DIAPH3: variants seen among roughly 807,000 people sequenced by gnomAD.
DIAPH3 encodes protein diaphanous homolog 3.
DIAPH3 carries 117 observed loss-of-function variants against 144.3 expected under a neutral mutation model. The ratio of observed to expected loss-of-function variants is 0.81; its 90% CI spans 0.70 to 0.95. DIAPH3 has a LOEUF of 0.95. Ranked by LOEUF, DIAPH3 falls within the 40% of genes least tolerant of loss-of-function variation. DIAPH3 has a pLI of 0.00. For synonymous variants in DIAPH3, 519 were observed against 488.9 expected (o/e 1.06, Z -0.81); for missense variants, 1,421 against 1,412.7 (o/e 1.01, Z -0.09).
At position 59,665,898 on chromosome 13, in the gene DIAPH3, C is replaced by T. The variant is rs369745271; in HGVS notation, c.*686G>A. 4 of 152,374 alleles carry T rather than the reference C, an allele frequency of 2.6e-5. No homozygotes were observed. Among genetic ancestry groups the T allele is most frequent in the Non-Finnish European group, 5.9e-5 (4 of 68,034 alleles). The allele number at this position is 152,374 out of a possible 1,614,324, so 9.4% of individuals were successfully genotyped here. A position where few individuals can be genotyped will look rare whatever the true frequency, so the allele number is the denominator to read the frequency against. ...AGCACTGCAATTCTGTTTACATCCA[C>T]GTTACACAAAAGCACATGCATTTGG... On this transcript the variant is annotated 3_prime_UTR_variant, in exon 28 of 28. Coordinates refer to ENST00000400324, the MANE Select transcript of DIAPH3 (RefSeq NM_001042517.2).
Position 59,810,722 on chromosome 13 carries a change from C to T in DIAPH3, c.3163+66G>A, listed in dbSNP as rs529363351. 1.4e-4 allele frequency: 219 copies of T among 1,540,626 alleles called. 1 individual carries two copies. In the East Asian group the frequency reaches 4.8e-3, roughly 34 times the overall value. ...CTTTTTCACTAAGTTCATTAATATACTAATAAAGCAGCCCATATAAATCTT... is the reference window on the plus strand; with the variant it reads ...CTTTTTCACTAAGTTCATTAATATATTAATAAAGCAGCCCATATAAATCTT... On this transcript the variant is annotated intron_variant, in intron 25 of 27. Coordinates refer to ENST00000400324, the MANE Select transcript of DIAPH3 (RefSeq NM_001042517.2).
intron 4 of DIAPH3, among the ~76,000 whole-genome samples, chr13:60,080,843 G>T (rs2057533733): frequency 6.6e-6 from 1 of 151,534 alleles, no homozygotes; most frequent in South Asian, 2.1e-4. Flanking sequence ...CTGCACAAGG[G>T]GTCACACATC....
At chr13:59,997,158 T>C (rs2052249883) in intron 9 of DIAPH3, among the ~76,000 whole-genome samples, 1 of 152,048 alleles carries the variant, frequency 6.6e-6, no homozygotes, top group Admixed American at 6.6e-5. Flanking sequence ...TTATCCCTTC[T>C]ACCATATGTT....
intron 5 of DIAPH3, among the ~76,000 whole-genome samples, chr13:60,028,935 T>C (rs537344226): frequency 5.9e-5 from 9 of 151,994 alleles, no homozygotes; most frequent in Non-Finnish European, 1.0e-4. Flanking sequence ...GGCATGCGCC[T>C]GTAGTCCCAG....
At chr13:59,861,167 T>G (rs1374757801) in intron 22 of DIAPH3, 4 of 1,352,924 alleles carry the variant, frequency 3.0e-6, no homozygotes, top group South Asian at 1.6e-5. Context: ...CTACAAGGTT[T>G]AAACTGTAAA....
In DIAPH3 at chr13:60,001,679, C is replaced by A. The variant is rs186452019; in HGVS notation, c.1014+6865G>T. ...ATCTTATGTGAAAGACAGGCATTAA[C>A]TTGCCTCTCTCTTCAAAAACACCAT... is the stretch of plus-strand genomic sequence containing the variant. On this transcript the variant is annotated intron_variant, in intron 9 of 27. Transcript: ENST00000400324. 9.1e-4 allele frequency among the ~76,000 whole-genome samples: 138 copies of A among 152,318 alleles called. 1 individual carries two copies. The highest frequency in any genetic ancestry group is 8.6e-3 in the Admixed American group (132 of 15,298).
chr13:60,147,563 C>G (rs964570628), intron 1 of DIAPH3, among the ~76,000 whole-genome samples: 23 of 152,138 alleles, frequency 1.5e-4, no homozygotes, highest in South Asian at 1.0e-3. Context: ...ACCTCAGGGT[C>G]CAGATTTGCT....
chr13:60,122,107 A>T (rs992988758), intron 2 of DIAPH3, among the ~76,000 whole-genome samples: 1 of 152,208 alleles, frequency 6.6e-6, no homozygotes, highest in Non-Finnish European at 1.5e-5. Context: ...TCAAAGGATG[A>T]CATTCTTGGC....
At chr13:59,673,124 C>T (rs970896228) in intron 27 of DIAPH3, among the ~76,000 whole-genome samples, 2 of 152,194 alleles carry the variant, frequency 1.3e-5, no homozygotes, top group Non-Finnish European at 2.9e-5. Context: ...GTGCACACAA[C>T]AACCAGGATA....
At chr13:59,845,669 C>T (rs557621811) in intron 22 of DIAPH3, among the ~76,000 whole-genome samples, 1 of 152,188 alleles carries the variant, frequency 6.6e-6, no homozygotes, top group African/African-American at 2.4e-5. Flanking sequence ...GTCTATCTGC[C>T]TTGTGCACTT....
At chr13:59,727,692 A>G (rs1421334813) in intron 27 of DIAPH3, among the ~76,000 whole-genome samples, 2 of 152,172 alleles carry the variant, frequency 1.3e-5, no homozygotes, top group Admixed American at 1.3e-4. Flanking sequence ...TCTTATTTCT[A>G]TGGTTAGGAA....
intron 25 of DIAPH3, among the ~76,000 whole-genome samples, chr13:59,793,046 G>A (rs2039406341): frequency 6.6e-6 from 1 of 152,004 alleles, no homozygotes; most frequent in Non-Finnish European, 1.5e-5. Context: ...ACCAACCATG[G>A]CCCTTCCTCT....
chr13:59,706,098 C>T (rs999006659), intron 27 of DIAPH3, among the ~76,000 whole-genome samples: 1 of 152,016 alleles, frequency 6.6e-6, no homozygotes, highest in Non-Finnish European at 1.5e-5. Context: ...ATAACTTATT[C>T]ACATCCTCCT....
chr13:59,953,906 TAA>T (rs946999555), intron 17 of DIAPH3, among the ~76,000 whole-genome samples: 1 of 152,324 alleles, frequency 6.6e-6, no homozygotes, highest in South Asian at 2.1e-4. Flanking sequence ...GCTATTTTTT[TAA>T]AGAGGTATTT....
At chr13:59,689,254 A>T (rs2033381177) in intron 27 of DIAPH3, among the ~76,000 whole-genome samples, 1 of 152,098 alleles carries the variant, frequency 6.6e-6, no homozygotes, top group Admixed American at 6.6e-5. Flanking sequence ...TCAGTCAGAG[A>T]GAAGAATTTG....
intron 20 of DIAPH3, among the ~76,000 whole-genome samples, chr13:59,880,027 C>T (rs2140058333): frequency 6.6e-6 from 1 of 152,246 alleles, no homozygotes; most frequent in South Asian, 2.1e-4. Flanking sequence ...TGACTCCTGA[C>T]ACATACTAAA....
intron 19 of DIAPH3, among the ~76,000 whole-genome samples, chr13:59,912,443 T>C (rs1470837897): frequency 6.6e-6 from 1 of 152,148 alleles, no homozygotes; most frequent in Non-Finnish European, 1.5e-5. Context: ...TTGATATACC[T>C]TGCAGATAAA....
At chr13:59,775,335 C>T (rs754431387) in intron 25 of DIAPH3, among the ~76,000 whole-genome samples, 60 of 152,176 alleles carry the variant, frequency 3.9e-4, no homozygotes, top group Non-Finnish European at 7.8e-4. Flanking sequence ...CCCTGCCTTC[C>T]AGGTTTACGC....
At chr13:59,848,715 A>C (rs1212569259) in intron 22 of DIAPH3, among the ~76,000 whole-genome samples, 2 of 68,158 alleles carry the variant, frequency 2.9e-5, no homozygotes, top group African/African-American at 1.1e-4. Flanking sequence ...CCAGTCTATC[A>C]TTGTTGGACA....
Sources: gnomAD v4.1 joint callset for allele counts (sites outside exome capture counted in the v4.1 genomes callset) on GRCh38, gnomAD v4.1.1 for gene constraint, MANE v1.5 for transcripts, NCBI Gene and HGNC (gene_info 2026-07-23, HGNC 2026-07-21) for gene names.